The following ATRNL1 variants were observed in gnomAD, a reference collection of about 807,000 sequenced individuals.
ATRNL1 encodes the protein attractin-like protein 1.
ATRNL1 carries 95 observed loss-of-function variants against 182.7 expected under a neutral mutation model. That is an observed-to-expected ratio of 0.52 (90% confidence interval 0.44 to 0.62). The LOEUF is 0.62. Among genes scored for constraint, ATRNL1 ranks in the 20% least tolerant of loss-of-function variants. The pLI is 0.00. For missense variants in ATRNL1, 1,471 were observed against 1,679.5 expected, an observed-to-expected ratio of 0.88 and a Z score of 2.17; for synonymous variants, 576 against 568.3, an observed-to-expected ratio of 1.01 and a Z score of -0.19.
chr10:115,721,148 T>C (rs1947410169), intron 26 of ATRNL1, among the ~76,000 whole-genome samples: 1 of 152,186 alleles, frequency 6.6e-6, no homozygotes, highest in Admixed American at 6.5e-5. Flanking sequence ...TTCTGTGAGG[T>C]TCCTGCCAGG....
At chr10:115,577,915 A>G (rs1422533602) in intron 26 of ATRNL1, among the ~76,000 whole-genome samples, 1 of 151,636 alleles carries the variant, frequency 6.6e-6, no homozygotes, top group African/African-American at 2.4e-5. Context: ...ATTATGTTCA[A>G]GAAATTTCCT....
chr10:115,394,024 G>C (rs1361435033), intron 19 of ATRNL1, among the ~76,000 whole-genome samples: 6 of 152,030 alleles, frequency 3.9e-5, no homozygotes, highest in African/African-American at 1.4e-4. Context: ...AAACTTAAAA[G>C]GGTGAATTTA....
At chr10:115,558,865 C>T (rs1853488351) in intron 26 of ATRNL1, among the ~76,000 whole-genome samples, 2 of 152,236 alleles carry the variant, frequency 1.3e-5, no homozygotes, top group East Asian at 1.9e-4. Context: ...TGCTCCCTTC[C>T]TACCCCCTTC....
intron 20 of ATRNL1, among the ~76,000 whole-genome samples, chr10:115,422,784 A>G (rs1845705010): frequency 6.6e-6 from 1 of 152,224 alleles, no homozygotes; most frequent in Non-Finnish European, 1.5e-5. Flanking sequence ...ACCAAGTACT[A>G]CATGTTCTCA....
At chr10:115,235,264 A>T (rs7917672) in intron 9 of ATRNL1, among the ~76,000 whole-genome samples, 1,782 of 152,228 alleles carry the variant, frequency 0.012, 33 homozygotes, top group African/African-American at 0.04. Flanking sequence ...AAACTTCTTA[A>T]TTTTGATCAT....
chr10:115,871,946 A>G (rs1425719129), intron 28 of ATRNL1, among the ~76,000 whole-genome samples: 11 of 152,088 alleles, frequency 7.2e-5, no homozygotes, highest in Admixed American at 7.2e-4. Context: ...GTGTTCTCCC[A>G]TTTTTCTCTT....
At chr10:115,899,857 A>G (rs1952308005) in intron 28 of ATRNL1, among the ~76,000 whole-genome samples, 1 of 152,200 alleles carries the variant, frequency 6.6e-6, no homozygotes. Context: ...CAAGAGCCAT[A>G]TAGAACATAA....
At position 115,315,741 on chromosome 10, in the gene ATRNL1, T is replaced by G; in HGVS notation, c.3037+5T>G. On this transcript the variant is annotated splice_donor_5th_base_variant and intron_variant, in intron 18 of 28. Transcript: ENST00000355044. ...GGTCCTTTATCCAGTGTCCAGGTAA[T>G]AATAATGTAATGGAAACAATTTCAG... 6.2e-7 allele frequency: 1 copy of G among 1,604,152 alleles called. No individual in the cohort carries two copies.
At chr10:115,627,623 C>T (rs183476565) in intron 26 of ATRNL1, among the ~76,000 whole-genome samples, 1 of 152,190 alleles carries the variant, frequency 6.6e-6, no homozygotes, top group East Asian at 1.9e-4. Flanking sequence ...CCCTGAGCCT[C>T]CCAAAGTGTT....
At chr10:115,650,522 C>A (rs1555034055) in intron 26 of ATRNL1, among the ~76,000 whole-genome samples, 1 of 151,902 alleles carries the variant, frequency 6.6e-6, no homozygotes, top group South Asian at 2.1e-4. Flanking sequence ...AATGGTAAAG[C>A]AAAACAAATA....
At chr10:115,570,578 G>A (rs1854328123) in intron 26 of ATRNL1, among the ~76,000 whole-genome samples, 1 of 152,088 alleles carries the variant, frequency 6.6e-6, no homozygotes, top group East Asian at 1.9e-4. Context: ...TATACTATTA[G>A]CTTGGTCACC....
chr10:115,943,299 T>C (rs1275137078), intron 28 of ATRNL1, among the ~76,000 whole-genome samples: 1 of 152,146 alleles, frequency 6.6e-6, no homozygotes, highest in Non-Finnish European at 1.5e-5. Context: ...ATCCAAAATC[T>C]TCAAAGAACT....
intron 1 of ATRNL1, among the ~76,000 whole-genome samples, chr10:115,094,689 T>C (rs1036541615): frequency 8.5e-5 from 13 of 152,126 alleles, no homozygotes; most frequent in African/African-American, 3.1e-4. Context: ...CGGAGAGAAA[T>C]CGAGGCGATA....
At position 115,438,543 on chromosome 10, in the gene ATRNL1, C is replaced by T. The variant is rs184925974; in HGVS notation, c.3322+12241C>T. Among the ~76,000 whole-genome samples the T allele has an allele frequency of 9.9e-5, 15 of 152,092 alleles. No homozygotes were observed. In the East Asian group the frequency reaches 1.7e-3, roughly 18 times the overall value. The stretch of plus-strand genomic sequence containing the variant: ...CTGACTTCTTTAAACATCTTGTATA[C>T]GTTAAAAGCCTTTTCTCTTTATATA... On this transcript the variant is annotated intron_variant, in intron 21 of 28. Transcript: ENST00000355044.
chr10:115,099,715 C>G (rs1256901306), intron 1 of ATRNL1, among the ~76,000 whole-genome samples: 1 of 152,156 alleles, frequency 6.6e-6, no homozygotes, highest in African/African-American at 2.4e-5. Context: ...CATGTGCTTA[C>G]TTGCCATCCG....
intron 10 of ATRNL1, among the ~76,000 whole-genome samples, chr10:115,252,119 C>A (rs1347779269): frequency 6.6e-6 from 1 of 151,948 alleles, no homozygotes; most frequent in Non-Finnish European, 1.5e-5. Flanking sequence ...CTCTGTCTCC[C>A]GGGTTCAAGC....
intron 5 of ATRNL1, among the ~76,000 whole-genome samples, chr10:115,152,754 G>T (rs1325414858): frequency 1.3e-5 from 2 of 152,132 alleles, no homozygotes; most frequent in Admixed American, 1.3e-4. Flanking sequence ...ACACTATGTT[G>T]AATAAGAGTG....
chr10:115,389,542 A>G (rs568300071), intron 19 of ATRNL1, among the ~76,000 whole-genome samples: 1,400 of 10,122 alleles, frequency 0.14, 139 homozygotes, highest in African/African-American at 0.41. Flanking sequence ...GTGTATGTGT[A>G]TATATATATA....
intron 26 of ATRNL1, among the ~76,000 whole-genome samples, chr10:115,701,454 A>C (rs1369852446): frequency 6.6e-6 from 1 of 152,038 alleles, no homozygotes; most frequent in Non-Finnish European, 1.5e-5. Context: ...CTGAAATCAG[A>C]GCATAGCTGA....
Sources: allele counts gnomAD v4.1 joint callset (sites outside exome capture counted in the v4.1 genomes callset), GRCh38; gene constraint gnomAD v4.1.1; transcripts MANE v1.5; gene names NCBI Gene and HGNC (gene_info 2026-07-23, HGNC 2026-07-21).